C14orf132: variants seen among roughly 807,000 people sequenced by gnomAD.
C14orf132 encodes the protein chromosome 14 open reading frame 132.
A neutral mutation model predicts 5.8 loss-of-function variants in C14orf132; 6 were observed. The ratio of observed to expected loss-of-function variants is 1.03; its 90% CI spans 0.57 to 2.04. The LOEUF (loss-of-function observed/expected upper bound fraction) is 2.04. C14orf132 is among the 30% of genes most tolerant of loss of function. C14orf132 has a pLI of 0.00. For synonymous variants in C14orf132, 51 were observed against 49.8 expected (o/e 1.02, Z -0.10); for missense variants, 125 against 115.8 (o/e 1.08, Z -0.37).
chr14:96,085,472 C>T (rs2139684109), intron 1 of C14orf132, among the ~76,000 whole-genome samples: 1 of 152,352 alleles, frequency 6.6e-6, no homozygotes, highest in Non-Finnish European at 1.5e-5. Flanking sequence ...TCCGGGATCA[C>T]CCCCTCCCTT....
intron 1 of C14orf132, among the ~76,000 whole-genome samples, chr14:96,064,415 TACACATATATAC>T (rs1239763891): frequency 6.7e-6 from 1 of 150,046 alleles, no homozygotes; most frequent in Non-Finnish European, 1.5e-5. Flanking sequence ...TGTATATATA[TACACATATATAC>T]ACATATATAT....
At chr14:96,044,284 C>T (rs1477919396) in intron 1 of C14orf132, among the ~76,000 whole-genome samples, 8 of 152,190 alleles carry the variant, frequency 5.3e-5, no homozygotes, top group Non-Finnish European at 1.2e-4. Context: ...AGCAATCTGC[C>T]CACCTCAACT....
Position 96,039,412 on chromosome 14 carries a change from C to T in C14orf132, c.-89C>T. ...CCGTGCGGTCTCCGGACGCTCGCTG[C>T]TCAGCCCGATCCCCGCCAACTGTGC... On this transcript the variant is annotated 5_prime_UTR_variant, in exon 1 of 2. Coordinates refer to ENST00000555004, the MANE Select transcript of C14orf132 (RefSeq NM_001252507.3). The surrounding 1 kb of genome is among the most constrained non-coding windows in gnomAD (Gnocchi z 5.3). The T allele has an allele frequency of 1.5e-6, 2 of 1,345,596 alleles. No homozygotes were observed. The highest frequency in any genetic ancestry group is 1.9e-6 in the Non-Finnish European group (2 of 1,025,732). 83.4% of individuals were successfully genotyped at this position (1,345,596 alleles called of 1,614,324 possible).
At chr14:96,044,099 G>C (rs530463951) in intron 1 of C14orf132, among the ~76,000 whole-genome samples, 3 of 152,222 alleles carry the variant, frequency 2.0e-5, no homozygotes, top group African/African-American at 4.8e-5. Context: ...GGGGGGCCAG[G>C]GACCCTCTGT....
intron 1 of C14orf132, among the ~76,000 whole-genome samples, chr14:96,082,831 A>G (rs554414694): frequency 4.6e-5 from 7 of 152,360 alleles, no homozygotes; most frequent in African/African-American, 1.4e-4. Context: ...TTTCTTATAC[A>G]TGATCTTATT....
intron 1 of C14orf132, among the ~76,000 whole-genome samples, chr14:96,064,655 T>C (rs1887476894): frequency 6.6e-6 from 1 of 151,590 alleles, no homozygotes; most frequent in Non-Finnish European, 1.5e-5. Context: ...AATGATACAA[T>C]GGACTTTGAG....
chr14:96,051,947 G>A lies in C14orf132; in HGVS notation c.27+12420G>A, dbSNP rs529273352. 1.4e-4 allele frequency among the ~76,000 whole-genome samples: 21 copies of A among 152,376 alleles called. 1 individual carries two copies. The South Asian group carries it at 3.7e-3, about 27-fold the overall frequency. ...GAGGCAGGAGCCCCGCCCTCTGGTGGAAGAAGAGGATAGCTGTCGTAGGTG... is the reference window on the plus strand; with the variant it reads ...GAGGCAGGAGCCCCGCCCTCTGGTGAAAGAAGAGGATAGCTGTCGTAGGTG... On this transcript the variant is annotated intron_variant, in intron 1 of 1. Coordinates refer to ENST00000555004, the MANE Select transcript of C14orf132 (RefSeq NM_001252507.3).
At chr14:96,064,303 G>C (rs1398320285) in intron 1 of C14orf132, among the ~76,000 whole-genome samples, 1 of 151,130 alleles carries the variant, frequency 6.6e-6, no homozygotes, top group South Asian at 2.1e-4. Context: ...CTGCAAAATC[G>C]TGGAACTGAC....
At chr14:96,052,080 G>T (rs1327625854) in intron 1 of C14orf132, among the ~76,000 whole-genome samples, 2 of 152,246 alleles carry the variant, frequency 1.3e-5, no homozygotes, top group Non-Finnish European at 2.9e-5. Context: ...AGAGAGCTTT[G>T]GGGCCTTGCC....
At chr14:96,041,073 T>A (rs561320857) in intron 1 of C14orf132, among the ~76,000 whole-genome samples, 1 of 152,224 alleles carries the variant, frequency 6.6e-6, no homozygotes, top group Admixed American at 6.5e-5. Flanking sequence ...AGAGACCAGG[T>A]TCCTATTTTT....
At position 96,090,401 on chromosome 14, in the gene C14orf132, A is replaced by G. The variant is rs1018283420; in HGVS notation, c.*3666A>G. 5.8e-5 allele frequency: 17 copies of G among 295,386 alleles called. No individual in the cohort carries two copies. The highest frequency in any genetic ancestry group is 9.2e-5 in the Non-Finnish European group (14 of 152,042). The allele number at this position is 295,386 out of a possible 1,614,324, so 18.3% of individuals were successfully genotyped here. On this transcript the variant is annotated 3_prime_UTR_variant, in exon 2 of 2. Transcript: ENST00000555004. ...ACGAGACTCTGTCTCAAAAAAAAAA[A>G]AAAAGAAAAGAAAAAAAAAAAGAGC...
intron 1 of C14orf132, among the ~76,000 whole-genome samples, chr14:96,071,248 G>A (rs1027012966): frequency 1.3e-5 from 2 of 152,132 alleles, no homozygotes; most frequent in African/African-American, 4.8e-5. Flanking sequence ...ATGAGATTGT[G>A]TGAGAACTCA....
Position 96,058,539 on chromosome 14 carries a change from G to T in C14orf132, c.27+19012G>T, listed in dbSNP as rs771871955. On this transcript the variant is annotated intron_variant, in intron 1 of 1. Coordinates refer to ENST00000555004, the MANE Select transcript of C14orf132 (RefSeq NM_001252507.3). Reference sequence around the variant, plus strand: ...CCATGCTGAGAACATCTCAAGCAAAGCAAGAGGCATGAGAACAGTTTTTAA... The same window carrying T: ...CCATGCTGAGAACATCTCAAGCAAATCAAGAGGCATGAGAACAGTTTTTAA... 5.1e-4 allele frequency among the ~76,000 whole-genome samples: 77 copies of T among 152,298 alleles called. 1 individual carries two copies. Among genetic ancestry groups the T allele is most frequent in the Non-Finnish European group, 1.0e-3 (70 of 68,020 alleles).
At chr14:96,052,681 C>T (rs138993298) in intron 1 of C14orf132, among the ~76,000 whole-genome samples, 10 of 152,294 alleles carry the variant, frequency 6.6e-5, no homozygotes, top group African/African-American at 1.2e-4. Context: ...GCCAGTGATC[C>T]GGACAGCACC....
chr14:96,049,653 T>TAGAGAG (rs1555384130), intron 1 of C14orf132, among the ~76,000 whole-genome samples: 1,931 of 82,250 alleles, frequency 0.023, 259 homozygotes, highest in Non-Finnish European at 0.03. Context: ...TATATATATA[T>TAGAGAG]AGAGAGAGAG....
chr14:96,089,725 T>A lies in C14orf132; in HGVS notation c.*2990T>A, dbSNP rs562997920. On this transcript the variant is annotated 3_prime_UTR_variant, in exon 2 of 2. Transcript: ENST00000555004. ...CCCCTTCTTTAAGACTGAACTCAAG[T>A]CTCCTTGGAAGGCCCCGGTGAAGCT... The A allele has an allele frequency of 2.0e-4, 31 of 152,162 alleles. No homozygotes were observed. Among genetic ancestry groups the A allele is most frequent in the African/African-American group, 7.2e-4 (30 of 41,478 alleles). 9.4% of individuals were successfully genotyped at this position (152,162 alleles called of 1,614,324 possible).
chr14:96,039,656 C>A lies in C14orf132; in HGVS notation c.27+129C>A. On this transcript the variant is annotated intron_variant, in intron 1 of 1. Coordinates refer to ENST00000555004, the MANE Select transcript of C14orf132 (RefSeq NM_001252507.3). The surrounding 1 kb of genome is among the most constrained non-coding windows in gnomAD (Gnocchi z 5.3). ...CGATCCGCGTCCCGGTCCTTTGTCC[C>A]GAGCCGGACACCCCCACTTGGTGCA... The A allele has an allele frequency of 1.0e-6, 1 of 988,902 alleles. No homozygotes were observed. Among genetic ancestry groups the A allele is most frequent in the Non-Finnish European group, 1.4e-6 (1 of 739,026 alleles). The allele number at this position is 988,902 out of a possible 1,614,324, so 61.3% of individuals were successfully genotyped here. A position where few individuals can be genotyped will look rare whatever the true frequency, so the allele number is the denominator to read the frequency against.
chr14:96,085,632 C>G (rs558454591), intron 1 of C14orf132, among the ~76,000 whole-genome samples: 2 of 152,302 alleles, frequency 1.3e-5, no homozygotes, highest in Admixed American at 1.3e-4. Flanking sequence ...CCTCTTCTAG[C>G]GTATTTGTTC....
intron 1 of C14orf132, among the ~76,000 whole-genome samples, chr14:96,044,203 T>C (rs1263110859): frequency 6.6e-6 from 1 of 152,360 alleles, no homozygotes; most frequent in East Asian, 1.9e-4. Context: ...AGACACGGTC[T>C]TGTTCTGTTG....
Sources: allele counts gnomAD v4.1 joint callset (sites outside exome capture counted in the v4.1 genomes callset), GRCh38; gene constraint gnomAD v4.1.1; non-coding constraint Gnocchi (gnomAD v3.1); transcripts MANE v1.5; gene names NCBI Gene and HGNC (gene_info 2026-07-23, HGNC 2026-07-21).